The following YEATS2 variants were observed in gnomAD, a reference collection of about 807,000 sequenced individuals.
YEATS2 encodes YEATS domain containing 2, also known as YEATS domain-containing protein 2.
A neutral mutation model predicts 163.2 loss-of-function variants in YEATS2; 77 were observed. That is an observed-to-expected ratio of 0.47 (90% CI 0.39 to 0.57). The LOEUF is 0.57. Ranked by LOEUF, YEATS2 falls within the 20% of genes least tolerant of loss-of-function variation. The pLI, the probability that YEATS2 is intolerant of heterozygous loss-of-function variation, is 0.00. For missense variants in YEATS2, 1,549 were observed against 1,729.8 expected, an observed-to-expected ratio of 0.90 and a Z score of 1.85; for synonymous variants, 631 against 645.1, an observed-to-expected ratio of 0.98 and a Z score of 0.33.
intron 13 of YEATS2, among the ~76,000 whole-genome samples, chr3:183,759,677 A>G (rs1467749518): frequency 1.3e-5 from 2 of 152,232 alleles, no homozygotes; most frequent in East Asian, 1.9e-4. Flanking sequence ...ACAGTGGTCC[A>G]ACTTAACGAT....
chr3:183,780,169 G>A (rs1009830234), intron 19 of YEATS2, among the ~76,000 whole-genome samples: 1 of 152,132 alleles, frequency 6.6e-6, no homozygotes, highest in Non-Finnish European at 1.5e-5. Flanking sequence ...ATTTGAAAGA[G>A]CTGTTAAAAT....
chr3:183,747,776 TTTTG>T (rs959069094), intron 9 of YEATS2, 60 bp downstream of exon 9: 298 of 1,535,380 alleles, frequency 1.9e-4, no homozygotes, highest in East Asian at 4.6e-4. Flanking sequence ...GATCTTCATT[TTTTG>T]TTTGTTTGTT....
At chr3:183,803,098 A>T (rs748819689) in intron 25 of YEATS2, 158 bp from the exon 26 acceptor site, 78 of 696,618 alleles carry the variant, frequency 1.1e-4, no homozygotes, top group Non-Finnish European at 1.8e-4. Context: ...TCTTCTGAGG[A>T]GACGCCCTCC....
At chr3:183,724,609 G>A (rs1425973070) in intron 6 of YEATS2, 78 bp downstream of exon 6, 6 of 993,758 alleles carry the variant, frequency 6.0e-6, no homozygotes, top group Non-Finnish European at 8.8e-6. Flanking sequence ...CAGTGTTACA[G>A]TAGGAAGCAG....
rs150759848 is a variant in YEATS2, at chr3:183,749,093, C to T, written c.969+1377C>T. Among the ~76,000 whole-genome samples the T allele has an allele frequency of 0.011, 1,685 of 152,236 alleles. 63 individuals are homozygous for T. The East Asian group carries it at 0.14, about 12-fold the overall frequency. ...AAGTAGCTGGGACCACAGGCACCCG[C>T]CACCACGCCCGGCTAATTTTTTGTA... On this transcript the variant is annotated intron_variant, in intron 9 of 30. Coordinates refer to ENST00000305135, the MANE Select transcript of YEATS2 (RefSeq NM_018023.5).
chr3:183,804,059 A>G lies in YEATS2; in HGVS notation c.3655A>G (p.Thr1219Ala), dbSNP rs754440412. ...GAAGAATCCGAGATTTCACCACCTGACTCCCCTCAAAACCAAGCACATCGC... is the reference window on the plus strand; with the variant it reads ...GAAGAATCCGAGATTTCACCACCTGGCTCCCCTCAAAACCAAGCACATCGC... ...LEKNPRFHHL[T>A]PLKTKHIAHW... The change falls in exon 27 of 31, where the codon ACT becomes GCT. Residue 1219 changes from threonine (T) to alanine (A), a missense_variant. Physicochemically the swap from Thr to Ala is moderately conservative, Grantham distance 58. Coordinates refer to ENST00000305135, the MANE Select transcript of YEATS2 (RefSeq NM_018023.5). 6.2e-7 allele frequency: 1 copy of G among 1,613,820 alleles called. No homozygotes were observed. The highest frequency in any genetic ancestry group is 8.5e-7 in the Non-Finnish European group (1 of 1,180,000).
intron 21 of YEATS2, 78 bp downstream of exon 21, chr3:183,791,058 G>C: frequency 1.9e-6 from 3 of 1,543,140 alleles, no homozygotes; most frequent in Non-Finnish European, 2.6e-6. Flanking sequence ...GTTTGAGATA[G>C]CGTCTCACTC....
intron 15 of YEATS2, among the ~76,000 whole-genome samples, chr3:183,766,514 T>C (rs748858076): frequency 3.3e-5 from 5 of 152,204 alleles, no homozygotes; most frequent in Non-Finnish European, 7.3e-5. Flanking sequence ...AATAGAAACA[T>C]TTAATCAAAG....
At chr3:183,782,426 ATTTT>A (rs1235824544) in intron 19 of YEATS2, among the ~76,000 whole-genome samples, 1 of 142,386 alleles carries the variant, frequency 7.0e-6, no homozygotes, top group African/African-American at 2.6e-5. Flanking sequence ...GAGTTTTTTA[ATTTT>A]TTTATTTTTT....
intron 25 of YEATS2, 31 bp downstream of exon 25, chr3:183,801,559 A>G (rs745354822): frequency 6.5e-7 from 1 of 1,535,534 alleles, no homozygotes; most frequent in Non-Finnish European, 8.9e-7. Context: ...ATAGGGGTGC[A>G]TTTTTGAAAG....
rs764979219 is a variant in YEATS2, at chr3:183,772,271, G to A, written c.1948-34G>A. The A allele has an allele frequency of 2.2e-5, 36 of 1,608,662 alleles. No individual in the cohort carries two copies. The South Asian group carries it at 3.8e-4, about 17-fold the overall frequency. ...GGTGACTGCTGTTCTAAGAGCTCTC[G>A]AAGCACCGTTGGACTCTGCTCTGTT... On this transcript the variant is annotated intron_variant, in intron 15 of 30. Coordinates refer to ENST00000305135, the MANE Select transcript of YEATS2 (RefSeq NM_018023.5).
At chr3:183,740,390 A>C (rs1029226675) in intron 8 of YEATS2, among the ~76,000 whole-genome samples, 2 of 152,238 alleles carry the variant, frequency 1.3e-5, no homozygotes, top group African/African-American at 2.4e-5. Context: ...AATGCAAATC[A>C]AAACCACTAT....
At chr3:183,721,746 T>A in intron 4 of YEATS2, 145 bp from the exon 5 acceptor site, 7 of 1,026,990 alleles carry the variant, frequency 6.8e-6, no homozygotes, top group Non-Finnish European at 1.0e-5. Flanking sequence ...GCTAAGGGGT[T>A]GGGATATCAT....
At chr3:183,798,748 A>G (rs1725395034) in intron 22 of YEATS2, 143 bp from the exon 23 acceptor site, 1 of 653,634 alleles carries the variant, frequency 1.5e-6, no homozygotes, top group African/African-American at 1.8e-5. Flanking sequence ...GCCCACTATT[A>G]AAAAGGGACT....
Position 183,811,514 on chromosome 3 carries a change from G to A in YEATS2, c.*931G>A, listed in dbSNP as rs1319300706. ...TGTATATACTCTTCTCTGTTAAGGA[G>A]TTTTTCCCAAGAAGAAAAGTATTTA... On this transcript the variant is annotated 3_prime_UTR_variant, in exon 31 of 31. Coordinates refer to ENST00000305135, the MANE Select transcript of YEATS2 (RefSeq NM_018023.5). 6.6e-6 allele frequency: 1 copy of A among 152,602 alleles called. No homozygotes were observed. Among genetic ancestry groups the A allele is most frequent in the Non-Finnish European group, 1.5e-5 (1 of 68,050 alleles). 9.5% of individuals were successfully genotyped at this position (152,602 alleles called of 1,614,324 possible). A position where few individuals can be genotyped will look rare whatever the true frequency, so the allele number is the denominator to read the frequency against.
chr3:183,730,850 T>C (rs904816584), intron 7 of YEATS2, among the ~76,000 whole-genome samples: 23 of 152,184 alleles, frequency 1.5e-4, no homozygotes, highest in African/African-American at 5.5e-4. Context: ...GTTATTGTAG[T>C]GATATATCAT....
chr3:183,778,742 A>AG (rs1397875843), intron 19 of YEATS2, among the ~76,000 whole-genome samples: 4 of 152,268 alleles, frequency 2.6e-5, no homozygotes, highest in Non-Finnish European at 5.9e-5. Flanking sequence ...GGCCTCATAA[A>AG]ATGAAGTGGA....
intron 2 of YEATS2, among the ~76,000 whole-genome samples, chr3:183,716,557 G>C (rs1387499415): frequency 6.6e-6 from 1 of 152,138 alleles, no homozygotes; most frequent in African/African-American, 2.4e-5. Flanking sequence ...TGTAATTTTA[G>C]AGGAAATACC....
chr3:183,698,651 C>G (rs1441619281), intron 1 of YEATS2, among the ~76,000 whole-genome samples: 4 of 152,210 alleles, frequency 2.6e-5, no homozygotes, highest in Admixed American at 1.3e-4. Context: ...AGCAATCTTA[C>G]AGGCCTGACA....
Sources: gnomAD v4.1 joint callset for allele counts (sites outside exome capture counted in the v4.1 genomes callset) on GRCh38, gnomAD v4.1.1 for gene constraint, MANE v1.5 for transcripts, NCBI Gene and HGNC (gene_info 2026-07-23, HGNC 2026-07-21) for gene names.